The following SDHA variants were observed in gnomAD, a reference collection of about 807,000 sequenced individuals.
SDHA encodes succinate dehydrogenase complex flavoprotein subunit A.
A neutral mutation model predicts 78.4 loss-of-function variants in SDHA; 48 were observed. The ratio of observed to expected loss-of-function variants is 0.61; its 90% CI spans 0.49 to 0.78. SDHA has a LOEUF of 0.78. Among genes scored for constraint, SDHA ranks in the 30% least tolerant of loss-of-function variants. SDHA has a pLI of 0.00. For missense variants in SDHA, 680 were observed against 892.7 expected (o/e 0.76, Z 3.04); for synonymous variants, 326 against 353.9 (o/e 0.92, Z 0.88).
chr5:232,295 T>C (rs1735455526), intron 7 of SDHA, among the ~76,000 whole-genome samples: 1 of 152,092 alleles, frequency 6.6e-6, no homozygotes, highest in Admixed American at 6.5e-5. Flanking sequence ...ACTGCAGCCT[T>C]TGTCTCCCAG....
Position 236,443 on chromosome 5 carries a change from A to C in SDHA, c.1276A>C (p.Asn426His), listed in dbSNP as rs1735781689. 6.2e-7 allele frequency: 1 copy of C among 1,613,844 alleles called. No homozygotes were observed. The highest frequency in any genetic ancestry group is 1.3e-5 in the African/African-American group (1 of 74,932). The change falls in exon 10 of 15, where the codon AAT (asparagine) becomes CAT (histidine). Residue 426 changes from asparagine to histidine, a missense_variant. By Grantham distance (68) the Asn-to-His change is moderately conservative (BLOSUM62 1). Coordinates refer to ENST00000264932, the MANE Select transcript of SDHA (RefSeq NM_004168.4). ...CTTTCCACAGGTCCTGAGGCACGTG[A>C]ATGGCCAGGATCAGATTGTGCCCGG... The part of the protein sequence containing the change: ...NYKGQVLRHV[N>H]GQDQIVPGLY...
At chr5:250,754 G>T (rs551071741) in intron 11 of SDHA, 131 of 483,178 alleles carry the variant, frequency 2.7e-4, no homozygotes, top group South Asian at 2.6e-3. Flanking sequence ...CTGCTGGAAA[G>T]GATGTGTGTG....
intron 11 of SDHA, among the ~76,000 whole-genome samples, chr5:246,883 G>T (rs1414186318): frequency 6.6e-6 from 1 of 152,174 alleles, no homozygotes; most frequent in Non-Finnish European, 1.5e-5. Context: ...TGAAAAAATT[G>T]TCCCTCTCAC....
At chr5:233,438 A>G (rs1405085201) in intron 7 of SDHA, 39 bp from the exon 8 acceptor site, 1 of 1,600,950 alleles carries the variant, frequency 6.2e-7, no homozygotes, top group South Asian at 1.1e-5. Context: ...ATAGAGATCT[A>G]GCAATTGTTA....
chr5:250,304 G>C (rs1022433484), intron 11 of SDHA: 3 of 156,186 alleles, frequency 1.9e-5, no homozygotes, highest in African/African-American at 7.2e-5. Flanking sequence ...CAAGGAGGAG[G>C]AGGGATCACT....
At chr5:225,649 T>TAG (rs1482150916) in intron 4 of SDHA, 87 bp downstream of exon 4, 1 of 1,588,250 alleles carries the variant, frequency 6.3e-7, no homozygotes, top group Non-Finnish European at 8.6e-7. Flanking sequence ...TTGAGGCGGA[T>TAG]GTGGCAGCCA....
chr5:224,577 G>T (rs7705721), intron 3 of SDHA, 56 bp downstream of exon 3: 219,347 of 1,574,798 alleles, frequency 0.14, 19,498 homozygotes, highest in African/African-American at 0.52. Flanking sequence ...GCGCAGCCTC[G>T]CACTTTCTAC....
chr5:249,167 A>G (rs561847888), intron 11 of SDHA: 4 of 376,240 alleles, frequency 1.1e-5, no homozygotes, highest in East Asian at 8.9e-5. Flanking sequence ...TAAAATGGAT[A>G]AAAACACTTG....
At chr5:262,386 A>G in the SDHA span, among the ~76,000 whole-genome samples, 861 of 86,906 alleles carry the variant, frequency 9.9e-3, 92 homozygotes, top group African/African-American at 0.073. Flanking sequence ...CCTCCTGTCC[A>G]AGCATTACTG....
At chr5:220,200 A>G (rs1345532346) in intron 1 of SDHA, 1 of 394,376 alleles carries the variant, frequency 2.5e-6, no homozygotes. Flanking sequence ...TGACGAACTT[A>G]TCAGACTTAT....
At chr5:266,773 C>CTAAGATA in the SDHA span, among the ~76,000 whole-genome samples, 1 of 95,094 alleles carries the variant, frequency 1.1e-5, no homozygotes, top group African/African-American at 9.3e-5. Context: ...GCCGCTGTGT[C>CTAAGATA]TGAGATATTC....
the SDHA span, among the ~76,000 whole-genome samples, chr5:263,390 A>C: frequency 1.3e-5 from 2 of 152,196 alleles, no homozygotes; most frequent in African/African-American, 4.8e-5. Flanking sequence ...GAAGGAGCGG[A>C]CTATTGGTGC....
intron 1 of SDHA, among the ~76,000 whole-genome samples, chr5:219,986 C>T (rs1734622805): frequency 6.6e-6 from 1 of 151,904 alleles, no homozygotes; most frequent in African/African-American, 2.4e-5. Flanking sequence ...GGCTTTTTTT[C>T]CTGAAGAATT....
chr5:235,490 A>G lies in SDHA; in HGVS notation c.1260+151A>G, dbSNP rs1211413682. Reference sequence around the variant, plus strand: ...TTTCTAGATTGCACTTTAAATTTCTATTACCGGAGGATGGAGGGGGCTTAA... The same window carrying G: ...TTTCTAGATTGCACTTTAAATTTCTGTTACCGGAGGATGGAGGGGGCTTAA... On this transcript the variant is annotated intron_variant, in intron 9 of 14. Transcript: ENST00000264932. 6 of 798,958 alleles carry G rather than the reference A, an allele frequency of 7.5e-6. No homozygotes were observed. The East Asian group carries it at 1.6e-4, about 21-fold the overall frequency. The allele number at this position is 798,958 out of a possible 1,614,324, so 49.5% of individuals were successfully genotyped here. A position where few individuals can be genotyped will look rare whatever the true frequency, so the allele number is the denominator to read the frequency against.
intron 10 of SDHA, 32 bp from the exon 11 acceptor site, chr5:240,326 A>G: frequency 6.9e-7 from 1 of 1,458,092 alleles, no homozygotes; most frequent in Non-Finnish European, 9.6e-7. Flanking sequence ...AACGGTTTTC[A>G]AAAGTTAAAT....
At chr5:218,486 C>G in intron 1 of SDHA, 68 bp downstream of exon 1, 1 of 1,189,654 alleles carries the variant, frequency 8.4e-7, no homozygotes, top group Non-Finnish European at 1.1e-6. Flanking sequence ...CGGGACGGTC[C>G]CCAGCGGGTC....
At chr5:227,093 T>C in intron 5 of SDHA, among the ~76,000 whole-genome samples, 1 of 151,990 alleles carries the variant, frequency 6.6e-6, no homozygotes, top group East Asian at 2.0e-4. Flanking sequence ...TCACTGCTAC[T>C]TCCACCTCCT....
At chr5:247,590 A>G (rs1736540530) in intron 11 of SDHA, among the ~76,000 whole-genome samples, 1 of 152,240 alleles carries the variant, frequency 6.6e-6, no homozygotes, top group Non-Finnish European at 1.5e-5. Flanking sequence ...AGGAGGAGTT[A>G]ATCCTCGAAG....
chr5:262,487 C>A, the SDHA span, among the ~76,000 whole-genome samples: 8 of 152,236 alleles, frequency 5.3e-5, no homozygotes, highest in African/African-American at 1.9e-4. Flanking sequence ...GGAGTGGAAC[C>A]CTGTTGTGAA....
Sources: gnomAD v4.1 joint callset for allele counts (sites outside exome capture counted in the v4.1 genomes callset) on GRCh38, gnomAD v4.1.1 for gene constraint, MANE v1.5 for transcripts, NCBI Gene and HGNC (gene_info 2026-07-23, HGNC 2026-07-21) for gene names.